The following CDH18 variants were observed in gnomAD, a reference collection of about 807,000 sequenced individuals.
The protein encoded by CDH18 is cadherin-18.
A neutral mutation model predicts 67.9 loss-of-function variants in CDH18; 31 were observed. That is an observed-to-expected ratio of 0.46 (90% CI 0.34 to 0.62). The LOEUF (loss-of-function observed/expected upper bound fraction) is 0.62, where lower values mean the gene tolerates loss of function less well. CDH18 is among the 20% of genes least tolerant of loss of function. CDH18 has a pLI of 0.01. For synonymous variants in CDH18, 362 were observed against 347.2 expected (o/e 1.04, Z -0.48); for missense variants, 890 against 975.5 (o/e 0.91, Z 1.17).
chr5:20,499,180 C>T (rs1754090645), intron 1 of CDH18, among the ~76,000 whole-genome samples: 1 of 151,852 alleles, frequency 6.6e-6, no homozygotes, highest in South Asian at 2.1e-4. Context: ...TTCCAGGATC[C>T]CCATGGATAC....
At chr5:20,219,785 A>T (rs2126441413) in intron 2 of CDH18, among the ~76,000 whole-genome samples, 1 of 151,898 alleles carries the variant, frequency 6.6e-6, no homozygotes, top group South Asian at 2.1e-4. Flanking sequence ...ACATCCCTTC[A>T]TGATAAAAAA....
At chr5:20,284,209 A>AC (rs1456666891) in intron 1 of CDH18, among the ~76,000 whole-genome samples, 1 of 151,948 alleles carries the variant, frequency 6.6e-6, no homozygotes, top group African/African-American at 2.4e-5. Context: ...CAACAGGGTG[A>AC]CTACAGTTGT....
chr5:19,566,281 G>A (rs552919712), intron 8 of CDH18, among the ~76,000 whole-genome samples: 3 of 152,290 alleles, frequency 2.0e-5, no homozygotes, highest in South Asian at 2.1e-4. Context: ...TGGTGGGAAC[G>A]TAAATTAGTA....
At chr5:19,527,668 G>A (rs186847248) in intron 9 of CDH18, among the ~76,000 whole-genome samples, 1 of 151,706 alleles carries the variant, frequency 6.6e-6, no homozygotes, top group Non-Finnish European at 1.5e-5. Flanking sequence ...AGCATAACAC[G>A]TGTAGAAATA....
intron 1 of CDH18, among the ~76,000 whole-genome samples, chr5:20,361,613 A>T (rs1742094010): frequency 6.6e-6 from 1 of 152,118 alleles, no homozygotes; most frequent in African/African-American, 2.4e-5. Context: ...ATGCCTTGCT[A>T]GTATATTACC....
intron 2 of CDH18, among the ~76,000 whole-genome samples, chr5:20,051,930 G>A (rs957441906): frequency 6.6e-6 from 1 of 151,996 alleles, no homozygotes; most frequent in Non-Finnish European, 1.5e-5. Context: ...AGAGATTCCA[G>A]ATATTAGCAT....
At chr5:20,503,039 C>A (rs1215176001) in intron 1 of CDH18, among the ~76,000 whole-genome samples, 1 of 151,970 alleles carries the variant, frequency 6.6e-6, no homozygotes, top group African/African-American at 2.4e-5. Flanking sequence ...ACAGAGAAAG[C>A]CAATTAGGGA....
intron 5 of CDH18, among the ~76,000 whole-genome samples, chr5:19,659,130 A>G (rs2150305108): frequency 6.6e-6 from 1 of 152,276 alleles, no homozygotes; most frequent in South Asian, 2.1e-4. Context: ...ATATTTATAA[A>G]ATATATTAAC....
At chr5:19,987,224 G>C (rs886247342) in intron 1 of CDH18, among the ~76,000 whole-genome samples, 2 of 150,838 alleles carry the variant, frequency 1.3e-5, no homozygotes, top group African/African-American at 2.5e-5. Context: ...ACATATGAGA[G>C]GTTTGCCTAG....
At chr5:20,528,232 A>T (rs1756185721) in intron 1 of CDH18, among the ~76,000 whole-genome samples, 1 of 152,062 alleles carries the variant, frequency 6.6e-6, no homozygotes, top group Admixed American at 6.5e-5. Context: ...ATATGTATGC[A>T]CCCAATACAA....
chr5:20,261,772 G>T (rs1326077031), intron 1 of CDH18, among the ~76,000 whole-genome samples: 1 of 152,068 alleles, frequency 6.6e-6, no homozygotes, highest in Non-Finnish European at 1.5e-5. Flanking sequence ...ATTCTGTGTG[G>T]TGTGGTTTTG....
chr5:20,305,635 C>G, intron 1 of CDH18: 1 of 471,836 alleles, frequency 2.1e-6, no homozygotes, highest in African/African-American at 2.0e-5. Flanking sequence ...GACTCAAACG[C>G]CATGTCCGGG....
At chr5:19,668,574 AT>A (rs1267998840) in intron 5 of CDH18, among the ~76,000 whole-genome samples, 1 of 152,132 alleles carries the variant, frequency 6.6e-6, no homozygotes, top group Non-Finnish European at 1.5e-5. Flanking sequence ...ATAATAAAAA[AT>A]GTATCAGTTT....
intron 1 of CDH18, among the ~76,000 whole-genome samples, chr5:20,519,833 A>C (rs1012280286): frequency 6.6e-6 from 1 of 151,480 alleles, no homozygotes; most frequent in Non-Finnish European, 1.5e-5. Flanking sequence ...TCTTGTTGGC[A>C]TAGTACTATG....
intron 2 of CDH18, among the ~76,000 whole-genome samples, chr5:19,853,404 C>A (rs1295199767): frequency 6.6e-6 from 1 of 152,062 alleles, no homozygotes; most frequent in Admixed American, 6.6e-5. Context: ...GTACAGCCAC[C>A]CTGGGGGTTC....
At chr5:19,702,787 T>C (rs1240660803) in intron 5 of CDH18, among the ~76,000 whole-genome samples, 1 of 151,986 alleles carries the variant, frequency 6.6e-6, no homozygotes, top group East Asian at 2.0e-4. Context: ...TGCAGCACTG[T>C]GACATGCTCA....
chr5:19,479,252 G>A (rs1323874440), intron 12 of CDH18, among the ~76,000 whole-genome samples: 1 of 152,078 alleles, frequency 6.6e-6, no homozygotes, highest in African/African-American at 2.4e-5. Flanking sequence ...CAAACAAGAA[G>A]CTGAGAGGGA....
chr5:19,624,102 G>C (rs1224687819), intron 5 of CDH18, among the ~76,000 whole-genome samples: 2 of 151,310 alleles, frequency 1.3e-5, no homozygotes, highest in African/African-American at 4.8e-5. Context: ...CTGTCTGCTG[G>C]GTGCAAGTGA....
intron 5 of CDH18, among the ~76,000 whole-genome samples, chr5:19,638,344 C>T (rs1308402286): frequency 6.6e-6 from 1 of 152,158 alleles, no homozygotes; most frequent in Admixed American, 6.5e-5. Context: ...TTAAGGCTTT[C>T]CTGCCGTAAG....
Sources: allele counts gnomAD v4.1 joint callset (sites outside exome capture counted in the v4.1 genomes callset), GRCh38; gene constraint gnomAD v4.1.1; transcripts MANE v1.5; gene names NCBI Gene and HGNC (gene_info 2026-07-23, HGNC 2026-07-21).